Variants in GPHN observed in about 807,000 individuals in gnomAD.
The protein encoded by GPHN is gephyrin.
A neutral mutation model predicts 95.5 loss-of-function variants in GPHN; 17 were observed. That is an observed-to-expected ratio of 0.18 (90% CI 0.12 to 0.27). The LOEUF (loss-of-function observed/expected upper bound fraction) is 0.27. GPHN is among the 10% of genes least tolerant of loss of function. The pLI, the probability that GPHN is intolerant of heterozygous loss-of-function variation, is 1.00. For synonymous variants in GPHN, 320 were observed against 322.5 expected (o/e 0.99, Z 0.08); for missense variants, 660 against 978.1 (o/e 0.67, Z 4.34).
chr14:66,628,302 T>C (rs1040039271), intron 1 of GPHN, among the ~76,000 whole-genome samples: 4 of 152,284 alleles, frequency 2.6e-5, no homozygotes, highest in Admixed American at 1.3e-4. Flanking sequence ...TCATGAAATA[T>C]GCTTACACAA....
At chr14:67,569,070 C>A in the GPHN span, 2 of 1,086,686 alleles carry the variant, frequency 1.8e-6, no homozygotes, top group Non-Finnish European at 2.8e-6. Context: ...CTTTTTCCTG[C>A]ACATGCCTGG....
intron 3 of GPHN, among the ~76,000 whole-genome samples, chr14:66,787,857 A>ATT (rs1248115813): frequency 6.7e-6 from 1 of 148,620 alleles, no homozygotes; most frequent in Non-Finnish European, 1.5e-5. Context: ...TATAAAAAGT[A>ATT]TTATATATAT....
intron 1 of GPHN, among the ~76,000 whole-genome samples, chr14:66,590,682 T>A (rs2061602978): frequency 6.6e-6 from 1 of 151,774 alleles, no homozygotes; most frequent in East Asian, 1.9e-4. Context: ...AACCAAAAAA[T>A]ACCCAGGACC....
At chr14:66,909,246 G>T (rs1023882873) in intron 5 of GPHN, among the ~76,000 whole-genome samples, 1 of 152,018 alleles carries the variant, frequency 6.6e-6, no homozygotes. Flanking sequence ...CTATACAACT[G>T]TCAAGGAGCA....
At position 66,799,006 on chromosome 14, in the gene GPHN, G is replaced by A. The variant is rs948029535; in HGVS notation, c.201+22485G>A. On this transcript the variant is annotated intron_variant, in intron 3 of 22. Transcript: ENST00000478722. ...TGCTGTATCCCATAGGTTTTGATAT[G>A]TATTGTTTCTGTTATCATTTGTTTC... Among the ~76,000 whole-genome samples the A allele has an allele frequency of 7.9e-5, 12 of 151,406 alleles. No individual in the cohort carries two copies. The East Asian group carries it at 1.9e-3, about 24-fold the overall frequency.
the GPHN span, among the ~76,000 whole-genome samples, chr14:67,459,946 C>G: frequency 1.3e-5 from 2 of 152,138 alleles, no homozygotes; most frequent in Non-Finnish European, 2.9e-5. Flanking sequence ...AAATAGCCAG[C>G]AGTAGGGGGA....
intron 19 of GPHN, among the ~76,000 whole-genome samples, chr14:67,164,937 A>G (rs1473882379): frequency 6.6e-6 from 1 of 152,116 alleles, no homozygotes; most frequent in Non-Finnish European, 1.5e-5. Context: ...AAAAGTAAGT[A>G]GTTTTCTTTA....
intron 1 of GPHN, among the ~76,000 whole-genome samples, chr14:66,637,593 T>C (rs9806103): frequency 0.072 from 10,940 of 152,210 alleles, 978 homozygotes; most frequent in African/African-American, 0.2. Context: ...TAAGATAGTA[T>C]TATAGTTTGT....
chr14:67,325,894 C>T, the GPHN span, among the ~76,000 whole-genome samples: 23,377 of 151,080 alleles, frequency 0.15, 3,440 homozygotes, highest in East Asian at 0.42. Flanking sequence ...CTGCAACCTC[C>T]GCCTCCTGGG....
At chr14:67,651,133 T>C in the GPHN span, 1 of 903,640 alleles carries the variant, frequency 1.1e-6, no homozygotes, top group African/African-American at 1.7e-5. Flanking sequence ...ATTAATATGC[T>C]ACAGTACTAT....
chr14:67,001,480 A>G (rs2072224975), intron 9 of GPHN, among the ~76,000 whole-genome samples: 1 of 151,610 alleles, frequency 6.6e-6, no homozygotes, highest in Admixed American at 6.6e-5. Context: ...CAAACTCAGT[A>G]TGTCCAGCTC....
intron 9 of GPHN, among the ~76,000 whole-genome samples, chr14:67,016,547 C>A (rs1461958989): frequency 6.6e-6 from 1 of 152,052 alleles, no homozygotes; most frequent in African/African-American, 2.4e-5. Context: ...AATTTCATTT[C>A]TCTGTCCCAG....
chr14:66,924,153 T>TC lies in GPHN; in HGVS notation c.730-39dup, dbSNP rs768075593. 15 of 1,074,048 alleles carry TC rather than the reference T, an allele frequency of 1.4e-5. No individual in the cohort carries two copies. In the South Asian group the frequency reaches 1.7e-4, roughly 13 times the overall value. The allele number at this position is 1,074,048 out of a possible 1,614,324, so 66.5% of individuals were successfully genotyped here. A position where few individuals can be genotyped will look rare whatever the true frequency, so the allele number is the denominator to read the frequency against. ...ATTTTGCTTGTATAGTTTCATGTTT[T>TC]CCTGTCACTATATTCATAGTTGTTA... On this transcript the variant is annotated intron_variant, in intron 7 of 22. Coordinates refer to ENST00000478722, the MANE Select transcript of GPHN (RefSeq NM_020806.5).
At chr14:67,165,534 G>C (rs2082226416) in intron 20 of GPHN, among the ~76,000 whole-genome samples, 1 of 152,146 alleles carries the variant, frequency 6.6e-6, no homozygotes, top group Non-Finnish European at 1.5e-5. Flanking sequence ...GATCTTTCTG[G>C]AGCACCTGCT....
chr14:67,433,091 C>T, the GPHN span, among the ~76,000 whole-genome samples: 1 of 152,152 alleles, frequency 6.6e-6, no homozygotes, highest in Non-Finnish European at 1.5e-5. Context: ...ACTTTTAGAA[C>T]ATTCTGACTC....
Position 66,922,791 on chromosome 14 carries a change from C to T in GPHN, c.582C>T (p.Ser194=), listed in dbSNP as rs142287862. 5 of 1,613,540 alleles carry T rather than the reference C, an allele frequency of 3.1e-6. No homozygotes were observed. The Admixed American group carries it at 5.0e-5, about 16-fold the overall frequency. Residue 194 remains serine, a synonymous_variant, in exon 7 of 23, where the codon TCC becomes TCT. Coordinates refer to ENST00000478722, the MANE Select transcript of GPHN (RefSeq NM_020806.5). ...TGCCTTCCCCACCTCCCCCTCTTTC[C>T]CCTCCTCCTACTACCAGCCCCCATA... is the stretch of plus-strand genomic sequence containing the variant. ...EDLPSPPPPL[S]PPPTTSPHKQ...
At chr14:67,362,211 G>T in the GPHN span, among the ~76,000 whole-genome samples, 3 of 151,572 alleles carry the variant, frequency 2.0e-5, no homozygotes, top group African/African-American at 7.3e-5. Context: ...GTAGAAATGG[G>T]GTTTCACCAT....
intron 2 of GPHN, among the ~76,000 whole-genome samples, chr14:66,726,044 C>T (rs1345354438): frequency 6.6e-6 from 1 of 152,158 alleles, no homozygotes; most frequent in Non-Finnish European, 1.5e-5. Flanking sequence ...GAAACAAAGA[C>T]TAATTGTTGA....
chr14:67,292,036 A>G, the GPHN span, among the ~76,000 whole-genome samples: 1 of 152,200 alleles, frequency 6.6e-6, no homozygotes, highest in African/African-American at 2.4e-5. Context: ...ATTGGAAGCA[A>G]TCTAAATGTT....
Sources: allele counts gnomAD v4.1 joint callset (sites outside exome capture counted in the v4.1 genomes callset), GRCh38; gene constraint gnomAD v4.1.1; transcripts MANE v1.5; gene names NCBI Gene and HGNC (gene_info 2026-07-23, HGNC 2026-07-21).